Variants in CADM2 observed in about 807,000 individuals in gnomAD.
The protein encoded by CADM2 is cell adhesion molecule 2, also known as immunoglobulin superfamily member 4D.
Under a neutral mutation model 49.8 loss-of-function variants are expected in CADM2, and 12 were observed. That is an observed-to-expected ratio of 0.24 (90% CI 0.15 to 0.39). The LOEUF is 0.39. Among genes scored for constraint, CADM2 ranks in the 10% least tolerant of loss-of-function variants. The pLI is 1.00. For synonymous variants in CADM2, 214 were observed against 175.4 expected, an observed-to-expected ratio of 1.22 and a Z score of -1.74; for missense variants, 378 against 492.3, an observed-to-expected ratio of 0.77 and a Z score of 2.20.
At chr3:85,542,283 G>T (rs2061567614) in intron 1 of CADM2, among the ~76,000 whole-genome samples, 1 of 151,948 alleles carries the variant, frequency 6.6e-6, no homozygotes, top group African/African-American at 2.4e-5. Context: ...CCTAATTCCT[G>T]CCCTGAGAAA....
chr3:85,290,690 C>G (rs2043766406), intron 1 of CADM2, among the ~76,000 whole-genome samples: 2 of 152,188 alleles, frequency 1.3e-5, no homozygotes, highest in Non-Finnish European at 2.9e-5. Context: ...TGACACCTCA[C>G]ATGGGCTGGT....
chr3:86,050,772 G>A (rs962224744), intron 8 of CADM2, among the ~76,000 whole-genome samples: 4 of 152,174 alleles, frequency 2.6e-5, no homozygotes, highest in Non-Finnish European at 5.9e-5. Context: ...TAGAGGTGGA[G>A]TGGCTGAGAT....
chr3:85,484,961 T>C (rs1576636801), intron 1 of CADM2, among the ~76,000 whole-genome samples: 1 of 151,976 alleles, frequency 6.6e-6, no homozygotes, highest in South Asian at 2.1e-4. Flanking sequence ...GTAATAGTTT[T>C]ATGGCTTTAA....
At position 85,086,016 on chromosome 3, in the gene CADM2, CGAA is replaced by C. The variant is rs961610510; in HGVS notation, c.61+126351_61+126353del. On this transcript the variant is annotated intron_variant, in intron 1 of 9. Transcript: ENST00000383699. ...TTGGATTTCATTTTTTGAAAAATTA[CGAA>C]GATGTTTAGGACAAAAACTTTTTTT... 5.3e-5 allele frequency among the ~76,000 whole-genome samples: 8 copies of C among 152,028 alleles called. No homozygotes were observed. In the East Asian group the frequency reaches 1.2e-3, roughly 22 times the overall value.
At chr3:85,556,496 A>T (rs1211003776) in intron 1 of CADM2, among the ~76,000 whole-genome samples, 2 of 152,176 alleles carry the variant, frequency 1.3e-5, no homozygotes, top group African/African-American at 4.8e-5. Context: ...TTTACCTTAG[A>T]TAATGTCTTA....
In CADM2 at chr3:85,924,962, A is replaced by G. The variant is rs545377530; in HGVS notation, c.701-10805A>G. 5.3e-5 allele frequency among the ~76,000 whole-genome samples: 8 copies of G among 152,284 alleles called. No homozygotes were observed. In the South Asian group the frequency reaches 1.7e-3, roughly 32 times the overall value. On this transcript the variant is annotated intron_variant, in intron 6 of 9. Coordinates refer to ENST00000383699, the MANE Select transcript of CADM2 (RefSeq NM_001167675.2). ...GACAATGCATTCTATGCTTTACATTATTTCTAGATGCCTCATATATAGCCA... is the reference window on the plus strand; with the variant it reads ...GACAATGCATTCTATGCTTTACATTGTTTCTAGATGCCTCATATATAGCCA...
chr3:85,396,806 A>G lies in CADM2; in HGVS notation c.62-329716A>G, dbSNP rs185071271. The stretch of plus-strand genomic sequence containing the variant: ...ACCTAAACAAAAGAGTTATAAGCTT[A>G]AAACTTTTAGAAGAAAATTTTCATG... On this transcript the variant is annotated intron_variant, in intron 1 of 9. Coordinates refer to ENST00000383699, the MANE Select transcript of CADM2 (RefSeq NM_001167675.2). Among the ~76,000 whole-genome samples the G allele has an allele frequency of 1.7e-3, 254 of 152,214 alleles. 1 individual carries two copies. The highest frequency in any genetic ancestry group is 3.8e-3 in the Admixed American group (58 of 15,282).
chr3:85,990,325 G>T (rs1252537764), intron 8 of CADM2, among the ~76,000 whole-genome samples: 1 of 152,094 alleles, frequency 6.6e-6, no homozygotes, highest in Non-Finnish European at 1.5e-5. Context: ...CCTAACTGTA[G>T]GCTAATGTAA....
intron 1 of CADM2, among the ~76,000 whole-genome samples, chr3:85,553,954 A>G (rs1449409): frequency 0.68 from 103,650 of 152,094 alleles, 40,746 homozygotes; most frequent in East Asian, 0.86. Flanking sequence ...AAGTTATGGC[A>G]TATGTTGGAA....
At chr3:85,279,828 T>A (rs958967750) in intron 1 of CADM2, among the ~76,000 whole-genome samples, 13 of 151,834 alleles carry the variant, frequency 8.6e-5, no homozygotes, top group African/African-American at 3.1e-4. Context: ...GTTTTAACTG[T>A]CTTCTTTGGA....
intron 1 of CADM2, among the ~76,000 whole-genome samples, chr3:85,639,100 A>T (rs1404014065): frequency 2.0e-5 from 3 of 152,210 alleles, no homozygotes; most frequent in African/African-American, 7.2e-5. Context: ...TAATATGGGT[A>T]AATGGTAAAT....
chr3:85,356,895 C>T (rs1187399128), intron 1 of CADM2, among the ~76,000 whole-genome samples: 1 of 151,964 alleles, frequency 6.6e-6, no homozygotes, highest in African/African-American at 2.4e-5. Flanking sequence ...AAATCTGCAG[C>T]ATTTATTTAA....
chr3:84,969,479 A>G (rs1348447043), intron 1 of CADM2, among the ~76,000 whole-genome samples: 1 of 150,210 alleles, frequency 6.7e-6, no homozygotes, highest in East Asian at 1.9e-4. Flanking sequence ...TTATTATAGT[A>G]TTTTGACTAA....
chr3:85,095,790 G>T lies in CADM2; in HGVS notation c.61+136122G>T, dbSNP rs1575852119. The stretch of plus-strand genomic sequence containing the variant: ...CATCTCTAATTTTTTTCTATACTCT[G>T]TAGCATGAAATTTTCTTGAGCACAT... On this transcript the variant is annotated intron_variant, in intron 1 of 9. Transcript: ENST00000383699. Among the ~76,000 whole-genome samples, 6 of 151,968 alleles carry T rather than the reference G, an allele frequency of 3.9e-5. 1 individual carries two copies. The highest frequency in any genetic ancestry group is 8.8e-5 in the Non-Finnish European group (6 of 67,998).
At chr3:85,973,457 T>C (rs1179460928) in intron 8 of CADM2, among the ~76,000 whole-genome samples, 1 of 151,732 alleles carries the variant, frequency 6.6e-6, no homozygotes. Flanking sequence ...AAGTTTACCA[T>C]GAAGTTCATT....
intron 2 of CADM2, among the ~76,000 whole-genome samples, chr3:85,734,983 T>TGTGC (rs1416086833): frequency 2.7e-5 from 4 of 150,722 alleles, no homozygotes; most frequent in African/African-American, 9.8e-5. Flanking sequence ...TATATATGTG[T>TGTGC]GTGTGTGTGT....
intron 1 of CADM2, among the ~76,000 whole-genome samples, chr3:85,630,654 T>TCTA (rs1376229302): frequency 3.9e-5 from 6 of 152,194 alleles, no homozygotes; most frequent in African/African-American, 1.4e-4. Flanking sequence ...TTTGAAAAGC[T>TCTA]CTACATTAGG....
intron 1 of CADM2, among the ~76,000 whole-genome samples, chr3:85,711,917 T>C (rs533943075): frequency 2.0e-4 from 30 of 152,274 alleles, no homozygotes; most frequent in African/African-American, 7.2e-4. Context: ...CCAGTTGAGC[T>C]TCATATTAGA....
intron 1 of CADM2, among the ~76,000 whole-genome samples, chr3:85,627,287 C>T (rs1466298674): frequency 1.3e-5 from 2 of 151,964 alleles, no homozygotes; most frequent in South Asian, 2.1e-4. Flanking sequence ...GAGAATATTT[C>T]ACCTTCCCTG....
Sources: allele counts gnomAD v4.1 joint callset (sites outside exome capture counted in the v4.1 genomes callset), GRCh38; gene constraint gnomAD v4.1.1; transcripts MANE v1.5; gene names NCBI Gene and HGNC (gene_info 2026-07-23, HGNC 2026-07-21).